PRSS3: variants seen among roughly 807,000 people sequenced by gnomAD.
The protein encoded by PRSS3 is serine protease 3.
PRSS3 carries 14 observed loss-of-function variants against 20.8 expected under a neutral mutation model. That is an observed-to-expected ratio of 0.67 (90% confidence interval 0.44 to 1.05). The LOEUF is 1.05. PRSS3 is among the 50% of genes least tolerant of loss of function. PRSS3 has a pLI of 0.00. For missense variants in PRSS3, 237 were observed against 306.4 expected (o/e 0.77, Z 1.69); for synonymous variants, 91 against 117.6 (o/e 0.77, Z 1.46).
intron 1 of PRSS3, chr9:33,786,882 C>A: frequency 1.6e-6 from 1 of 635,810 alleles, no homozygotes; most frequent in Non-Finnish European, 2.8e-6. Context: ...CTCCCTTCTA[C>A]CCAGCTCCCC....
chr9:33,760,745 C>CGAA (rs1823156848), intron 1 of PRSS3, among the ~76,000 whole-genome samples: 1 of 101,402 alleles, frequency 9.9e-6, no homozygotes, highest in Non-Finnish European at 1.9e-5. Flanking sequence ...GACTCTGTCA[C>CGAA]AAAAAAAAAA....
chr9:33,778,928 C>T (rs1824060641), intron 1 of PRSS3, among the ~76,000 whole-genome samples: 1 of 152,218 alleles, frequency 6.6e-6, no homozygotes, highest in Admixed American at 6.5e-5. Flanking sequence ...GGCCATTACT[C>T]TTAAGCGCCA....
At chr9:33,761,575 G>T (rs1823209650) in intron 1 of PRSS3, among the ~76,000 whole-genome samples, 1 of 152,010 alleles carries the variant, frequency 6.6e-6, no homozygotes, top group Admixed American at 6.6e-5. Flanking sequence ...GCGTGGTGGT[G>T]CATGCCTGTA....
At chr9:33,759,103 G>A (rs749669285) in intron 1 of PRSS3, among the ~76,000 whole-genome samples, 7 of 152,228 alleles carry the variant, frequency 4.6e-5, no homozygotes, top group Admixed American at 1.3e-4. Context: ...TAAGAGGAAT[G>A]AAAAGGACAT....
chr9:33,786,299 G>A (rs1232303004), intron 1 of PRSS3: 3 of 570,458 alleles, frequency 5.3e-6, no homozygotes, highest in Non-Finnish European at 9.4e-6. Flanking sequence ...GTTAATGCTG[G>A]GTAGAGAGGT....
At chr9:33,767,065 TA>T (rs1270089100) in intron 1 of PRSS3, among the ~76,000 whole-genome samples, 1 of 151,846 alleles carries the variant, frequency 6.6e-6, no homozygotes, top group African/African-American at 2.4e-5. Flanking sequence ...AAATAAAAAG[TA>T]AAAAAACTTA....
chr9:33,772,971 C>T (rs1245597422), intron 1 of PRSS3, among the ~76,000 whole-genome samples: 2 of 152,182 alleles, frequency 1.3e-5, no homozygotes, highest in Admixed American at 6.6e-5. Context: ...TTCCTGCTTT[C>T]CCCCCTCTAA....
chr9:33,755,484 C>T (rs1238186609), intron 1 of PRSS3, among the ~76,000 whole-genome samples: 1 of 152,090 alleles, frequency 6.6e-6, no homozygotes, highest in African/African-American at 2.4e-5. Flanking sequence ...GACATCCTAC[C>T]AAGAAGGATG....
rs148467832 is a variant in PRSS3 at position 33,768,217 on chromosome 9, C to T, written c.-53+17490C>T. ...GACATTAGCTGGGCGCTGTGGCTCA[C>T]GCCTGTAATCCCAGCACTTTGGGAG... On this transcript the variant is annotated intron_variant, in intron 1 of 5. Transcript: ENST00000342836. Among the ~76,000 whole-genome samples the T allele has an allele frequency of 3.8e-3, 582 of 152,298 alleles. 4 individuals carry two copies. The highest frequency in any genetic ancestry group is 0.034 in the Middle Eastern group (10 of 294).
intron 1 of PRSS3, among the ~76,000 whole-genome samples, chr9:33,766,053 T>C (rs1317279549): frequency 1.3e-5 from 2 of 148,578 alleles, no homozygotes; most frequent in African/African-American, 5.0e-5. Context: ...GATCACGAGG[T>C]CACCAGTTCG....
rs745320601 is a variant in PRSS3 at position 33,796,600 on chromosome 9, A to C, written c.41-43A>C. The C allele has an allele frequency of 3.1e-6, 5 of 1,611,416 alleles. No individual in the cohort carries two copies. The African/African-American group carries it at 5.3e-5, about 17-fold the overall frequency. ...CCGCAGGCTGGGAGCACCACCCCTA[A>C]CATGCTACTGACTTGCCTTCTCCCT... On this transcript the variant is annotated intron_variant, in intron 1 of 4. Transcript: ENST00000379405.
chr9:33,793,033 A>G (rs1361111682), upstream of PRSS3, among the ~76,000 whole-genome samples: 2 of 152,264 alleles, frequency 1.3e-5, no homozygotes, highest in African/African-American at 4.8e-5. Context: ...CTCCACCTAT[A>G]GCTATCTTCT....
Position 33,774,032 on chromosome 9 carries a change from T to G in PRSS3, c.-52-20714T>G, listed in dbSNP as rs573323447. On this transcript the variant is annotated intron_variant, in intron 1 of 5. Coordinates refer to the PRSS3 transcript ENST00000342836. The stretch of plus-strand genomic sequence containing the variant: ...ATATTGCACACACCAGTTGTGTATA[T>G]TAGGAAACATTCCTTAAGTATTTTT... 2.0e-5 allele frequency among the ~76,000 whole-genome samples: 3 copies of G among 152,370 alleles called. No individual in the cohort carries two copies. In the South Asian group the frequency reaches 6.2e-4, roughly 32 times the overall value.
intron 1 of PRSS3, among the ~76,000 whole-genome samples, chr9:33,759,884 G>A (rs1266589789): frequency 6.6e-6 from 1 of 152,208 alleles, no homozygotes; most frequent in Non-Finnish European, 1.5e-5. Flanking sequence ...CCCAGCCTCT[G>A]CCTGCTCACT....
chr9:33,772,299 G>A (rs1823745614), intron 1 of PRSS3, among the ~76,000 whole-genome samples: 1 of 152,166 alleles, frequency 6.6e-6, no homozygotes, highest in Non-Finnish European at 1.5e-5. Flanking sequence ...AGCAGGCCTG[G>A]GTGAGAGCAG....
intron 1 of PRSS3, among the ~76,000 whole-genome samples, chr9:33,763,421 C>A (rs1296231477): frequency 1.3e-5 from 2 of 152,186 alleles, no homozygotes. Flanking sequence ...AGGTGGAGGC[C>A]GGGCGTGGTG....
At chr9:33,790,778 C>T (rs1824597628), upstream of PRSS3, among the ~76,000 whole-genome samples, 3 of 152,090 alleles carry the variant, frequency 2.0e-5, no homozygotes, top group African/African-American at 7.2e-5. Flanking sequence ...ATTGCTGCTT[C>T]CAAATAGCCT....
chr9:33,750,962 A>T lies in PRSS3; in HGVS notation c.-53+235A>T. ...GAGGGCCCTGGTGTCGCAGAAGCCC[A>T]CCTGGGGCCCCCTCCGGGCTGCGGC... On this transcript the variant is annotated intron_variant, in intron 1 of 5. Coordinates refer to the PRSS3 transcript ENST00000342836. The surrounding 1 kb of genome is among the most constrained non-coding windows in gnomAD (Gnocchi z 4.8). The T allele has an allele frequency of 9.5e-7, 1 of 1,054,868 alleles. No individual in the cohort carries two copies. The highest frequency in any genetic ancestry group is 1.2e-6 in the Non-Finnish European group (1 of 809,642). 65.3% of individuals were successfully genotyped at this position (1,054,868 alleles called of 1,614,324 possible).
chr9:33,787,626 C>G (rs774590621), intron 1 of PRSS3, among the ~76,000 whole-genome samples: 1 of 152,280 alleles, frequency 6.6e-6, no homozygotes, highest in Non-Finnish European at 1.5e-5. Flanking sequence ...TGTGGCAGAA[C>G]AAGCCCATGA....
Sources: gnomAD v4.1 joint callset for allele counts (sites outside exome capture counted in the v4.1 genomes callset) on GRCh38, gnomAD v4.1.1 for gene constraint, Gnocchi (gnomAD v3.1) non-coding constraint, MANE v1.5 for transcripts, NCBI Gene and HGNC (gene_info 2026-07-23, HGNC 2026-07-21) for gene names.